TBC1D5: variants seen among roughly 807,000 people sequenced by gnomAD.
TBC1D5 encodes the protein TBC1 domain family, member 5.
Under a neutral mutation model 100.3 loss-of-function variants are expected in TBC1D5, and 75 were observed. The ratio of observed to expected loss-of-function variants is 0.75; its 90% CI spans 0.62 to 0.91. The LOEUF is 0.91. Among genes scored for constraint, TBC1D5 ranks in the 40% least tolerant of loss-of-function variants. The pLI is 0.00. For missense variants in TBC1D5, 910 were observed against 942.4 expected (o/e 0.97, Z 0.45); for synonymous variants, 323 against 325.6 (o/e 0.99, Z 0.09).
intron 13 of TBC1D5, among the ~76,000 whole-genome samples, chr3:17,336,323 T>C (rs34502358): frequency 0.4 from 60,014 of 151,832 alleles, 12,566 homozygotes; most frequent in Middle Eastern, 0.5. Context: ...TCTCCATTTA[T>C]GAAAACAATT....
At chr3:17,284,089 T>TACGC (rs2080892444) in intron 15 of TBC1D5, among the ~76,000 whole-genome samples, 2 of 132,718 alleles carry the variant, frequency 1.5e-5, no homozygotes, top group African/African-American at 6.0e-5. Flanking sequence ...CTCATTATTT[T>TACGC]ACACACACAC....
At chr3:17,435,316 T>A (rs2094516277) in intron 3 of TBC1D5, among the ~76,000 whole-genome samples, 1 of 152,238 alleles carries the variant, frequency 6.6e-6, no homozygotes, top group African/African-American at 2.4e-5. Context: ...ACCAATTTAC[T>A]GTATTAGTAC....
chr3:17,711,087 T>C (rs961136058), intron 1 of TBC1D5, among the ~76,000 whole-genome samples: 2 of 152,140 alleles, frequency 1.3e-5, no homozygotes, highest in African/African-American at 4.8e-5. Context: ...AAATTAATCT[T>C]AGGATTATAA....
intron 16 of TBC1D5, among the ~76,000 whole-genome samples, chr3:17,246,851 G>T (rs1235958609): frequency 6.6e-6 from 1 of 152,188 alleles, no homozygotes; most frequent in Non-Finnish European, 1.5e-5. Context: ...TACCTGTGCT[G>T]CCCAAAGCCT....
chr3:17,508,479 G>C (rs2095867178), exon 3 of TBC1D5: 2 of 1,612,802 alleles, frequency 1.2e-6, no homozygotes, highest in Non-Finnish European at 1.7e-6. Context: ...CTCACCTCCA[G>C]ACTTGTTAGA....
chr3:17,347,536 A>AT (rs1049511029), intron 13 of TBC1D5, among the ~76,000 whole-genome samples: 1 of 151,898 alleles, frequency 6.6e-6, no homozygotes, highest in Non-Finnish European at 1.5e-5. Context: ...ATAAGCCTAA[A>AT]TTTTTTTTCT....
rs1419467679 is a variant in TBC1D5, at chr3:17,178,086, G to T, written c.1852+7023C>A. ...TGCTCCTTTTTTTTTTTTTTTTTGA[G>T]ATGGAGTCTCGCTCTGTCGCCCAGG... On this transcript the variant is annotated intron_variant, in intron 19 of 21. Coordinates refer to ENST00000253692, the Ensembl canonical transcript of TBC1D5. Among the ~76,000 whole-genome samples the T allele has an allele frequency of 3.7e-3, 356 of 96,044 alleles. 6 individuals carry two copies. The highest frequency in any genetic ancestry group is 3.4e-3 in the Non-Finnish European group (164 of 47,936). The allele number at this position is 96,044 out of a possible 152,430, so 63.0% of individuals were successfully genotyped here.
rs77907033 is a variant in TBC1D5, at chr3:17,430,007, A to T, written c.98-1488T>A. On this transcript the variant is annotated intron_variant, in intron 3 of 21. Coordinates refer to ENST00000253692, the Ensembl canonical transcript of TBC1D5. ...ATAGAAGAAAATAATCCAAAAACATATAAATGTTTAAAATTAACCTAGCTA... is the reference window on the plus strand; with the variant it reads ...ATAGAAGAAAATAATCCAAAAACATTTAAATGTTTAAAATTAACCTAGCTA... Among the ~76,000 whole-genome samples, 354 of 151,986 alleles carry T rather than the reference A, an allele frequency of 2.3e-3. 1 individual carries two copies. The highest frequency in any genetic ancestry group is 4.3e-3 in the Non-Finnish European group (294 of 67,772).
intron 2 of TBC1D5, among the ~76,000 whole-genome samples, chr3:17,600,144 C>T (rs1345831125): frequency 6.6e-6 from 1 of 152,146 alleles, no homozygotes; most frequent in East Asian, 1.9e-4. Flanking sequence ...GCATTTCAAA[C>T]CTAGACATAT....
chr3:17,641,496 G>A (rs1199374900), intron 1 of TBC1D5, among the ~76,000 whole-genome samples: 2 of 152,018 alleles, frequency 1.3e-5, no homozygotes, highest in Non-Finnish European at 2.9e-5. Flanking sequence ...GGTATTGGGA[G>A]GATTAAATAA....
intron 2 of TBC1D5, among the ~76,000 whole-genome samples, chr3:17,528,244 G>C (rs906535904): frequency 6.6e-6 from 1 of 152,170 alleles, no homozygotes; most frequent in African/African-American, 2.4e-5. Flanking sequence ...GCAGTATTAA[G>C]AGGTAGGGCC....
At chr3:17,388,658 G>C (rs1207141671) in intron 8 of TBC1D5, among the ~76,000 whole-genome samples, 1 of 150,416 alleles carries the variant, frequency 6.6e-6, no homozygotes, top group East Asian at 1.9e-4. Context: ...AGACCAGCTT[G>C]GGCAACATAG....
chr3:17,478,456 T>C (rs1242968743), intron 3 of TBC1D5, among the ~76,000 whole-genome samples: 1 of 151,112 alleles, frequency 6.6e-6, no homozygotes, highest in Non-Finnish European at 1.5e-5. Flanking sequence ...TGTCTACTTA[T>C]TTATAACTTT....
intron 2 of TBC1D5, among the ~76,000 whole-genome samples, chr3:17,582,720 G>A (rs2096707087): frequency 6.9e-6 from 1 of 144,120 alleles, no homozygotes; most frequent in Non-Finnish European, 1.5e-5. Context: ...AATCCATTAT[G>A]AGCATTAAAC....
intron 4 of TBC1D5, among the ~76,000 whole-genome samples, chr3:17,410,027 G>C (rs972066496): frequency 6.6e-6 from 1 of 152,124 alleles, no homozygotes; most frequent in East Asian, 1.9e-4. Context: ...ATGCCATCTA[G>C]GACTTTCATA....
intron 13 of TBC1D5, among the ~76,000 whole-genome samples, chr3:17,346,289 C>A (rs948905445): frequency 6.6e-6 from 1 of 152,026 alleles, no homozygotes; most frequent in African/African-American, 2.4e-5. Context: ...TTGGCTTCAC[C>A]TTTGCTAACC....
chr3:17,477,892 A>G (rs2095457155), intron 3 of TBC1D5, among the ~76,000 whole-genome samples: 1 of 152,216 alleles, frequency 6.6e-6, no homozygotes, highest in Non-Finnish European at 1.5e-5. Context: ...TTAGTTTTCC[A>G]ATTCATAGTC....
intron 2 of TBC1D5, among the ~76,000 whole-genome samples, chr3:17,596,603 C>G (rs1444165247): frequency 6.6e-6 from 1 of 150,508 alleles, no homozygotes; most frequent in Non-Finnish European, 1.5e-5. Flanking sequence ...CAAGCATGAG[C>G]CACCACACCA....
At chr3:17,527,407 A>G (rs2096152088) in intron 2 of TBC1D5, among the ~76,000 whole-genome samples, 1 of 152,194 alleles carries the variant, frequency 6.6e-6, no homozygotes. Flanking sequence ...GAAACAGAAG[A>G]GAGGCTGGGT....
Sources: allele counts gnomAD v4.1 joint callset (sites outside exome capture counted in the v4.1 genomes callset), GRCh38; gene constraint gnomAD v4.1.1; transcripts MANE v1.5; gene names NCBI Gene and HGNC (gene_info 2026-07-23, HGNC 2026-07-21).